Variants in CSMD1 observed in about 807,000 individuals in gnomAD.
CSMD1 encodes the protein CUB and Sushi multiple domains 1.
Under a neutral mutation model 417.5 loss-of-function variants are expected in CSMD1, and 213 were observed. That is an observed-to-expected ratio of 0.51 (90% CI 0.46 to 0.57). The LOEUF is 0.57. Among genes scored for constraint, CSMD1 ranks in the 20% least tolerant of loss-of-function variants. The pLI is 0.00. For missense variants in CSMD1, 6,923 were observed against 4,529.7 expected, an observed-to-expected ratio of 1.53 and a Z score of -15.17; for synonymous variants, 2,862 against 1,736.8, an observed-to-expected ratio of 1.65 and a Z score of -16.11.
chr8:4,424,238 A>G (rs1393158367), intron 2 of CSMD1, among the ~76,000 whole-genome samples: 1 of 152,090 alleles, frequency 6.6e-6, no homozygotes, highest in African/African-American at 2.4e-5. Flanking sequence ...GACCGCATTA[A>G]GAGAATAAAA....
chr8:3,796,093 CATAG>C (rs1800087867), intron 5 of CSMD1, among the ~76,000 whole-genome samples: 1 of 21,886 alleles, frequency 4.6e-5, no homozygotes, highest in Non-Finnish European at 9.5e-5. Context: ...ATATATCTAT[CATAG>C]ATATAGATAT....
intron 33 of CSMD1, among the ~76,000 whole-genome samples, chr8:3,195,448 G>A (rs2129052554): frequency 6.6e-6 from 1 of 152,318 alleles, no homozygotes; most frequent in East Asian, 1.9e-4. Context: ...TAATGGCATA[G>A]AATCAATGGC....
intron 1 of CSMD1, among the ~76,000 whole-genome samples, chr8:4,746,894 T>C (rs1187333512): frequency 6.6e-6 from 1 of 152,126 alleles, no homozygotes; most frequent in Non-Finnish European, 1.5e-5. Flanking sequence ...TTGACTTAGA[T>C]CATAAAAGAA....
chr8:4,887,618 T>A (rs1315311956), intron 1 of CSMD1, among the ~76,000 whole-genome samples: 2 of 152,056 alleles, frequency 1.3e-5, no homozygotes, highest in Non-Finnish European at 1.5e-5. Flanking sequence ...TTCTATTGGT[T>A]TTGCTTTATT....
At chr8:4,749,198 C>T (rs1811150323) in intron 1 of CSMD1, among the ~76,000 whole-genome samples, 1 of 152,236 alleles carries the variant, frequency 6.6e-6, no homozygotes, top group South Asian at 2.1e-4. Context: ...TTAGAATATT[C>T]TTAACAAATC....
chr8:4,755,450 TA>T (rs1811606769), intron 1 of CSMD1, among the ~76,000 whole-genome samples: 1 of 152,224 alleles, frequency 6.6e-6, no homozygotes, highest in African/African-American at 2.4e-5. Flanking sequence ...TTTTTTTATT[TA>T]AATAAATTTA....
intron 41 of CSMD1, among the ~76,000 whole-genome samples, chr8:3,142,206 C>G (rs1449037431): frequency 1.3e-5 from 2 of 152,194 alleles, no homozygotes; most frequent in Admixed American, 1.3e-4. Context: ...TACTCTTTCT[C>G]CATTGCAATT....
At position 3,929,223 on chromosome 8, in the gene CSMD1, A is replaced by G. The variant is rs758861555; in HGVS notation, c.818+68680T>C. Reference sequence around the variant, plus strand: ...CCTCTGCACATGGTTTCTCTTACATAAAGGAGGTGTTTGTCCATATACACA... The same window carrying G: ...CCTCTGCACATGGTTTCTCTTACATGAAGGAGGTGTTTGTCCATATACACA... On this transcript the variant is annotated intron_variant, in intron 5 of 69. Transcript: ENST00000635120. 1.5e-4 allele frequency among the ~76,000 whole-genome samples: 22 copies of G among 150,378 alleles called. 1 individual carries two copies. Among genetic ancestry groups the G allele is most frequent in the Non-Finnish European group, 2.8e-4 (19 of 67,526 alleles).
In CSMD1 at chr8:3,264,873, G is replaced by A. The variant is rs934152995; in HGVS notation, c.4153+19271C>T. ...GGTGGGCTGTGTGTGGGTGTGTGTG[G>A]CCTGTGTGTGTATACATTTTTCTTG... is the stretch of plus-strand genomic sequence containing the variant. On this transcript the variant is annotated intron_variant, in intron 26 of 69. Transcript: ENST00000635120. 2.1e-5 allele frequency among the ~76,000 whole-genome samples: 3 copies of A among 146,036 alleles called. No individual in the cohort carries two copies. The South Asian group carries it at 6.6e-4, about 32-fold the overall frequency.
At chr8:3,357,804 C>T (rs981557656) in intron 21 of CSMD1, among the ~76,000 whole-genome samples, 1 of 152,042 alleles carries the variant, frequency 6.6e-6, no homozygotes, top group Admixed American at 6.6e-5. Context: ...AATTTGCCTT[C>T]CATTCTCAAA....
intron 23 of CSMD1, among the ~76,000 whole-genome samples, chr8:3,325,741 T>G (rs1236695697): frequency 6.6e-6 from 1 of 152,128 alleles, no homozygotes; most frequent in East Asian, 1.9e-4. Flanking sequence ...AGGGAATTGC[T>G]TGAACCCGGG....
intron 26 of CSMD1, among the ~76,000 whole-genome samples, chr8:3,261,412 A>G (rs1253501587): frequency 2.0e-5 from 3 of 152,244 alleles, no homozygotes; most frequent in African/African-American, 7.2e-5. Context: ...ATGGTGCAGT[A>G]TATACGGCTT....
At chr8:4,095,368 T>C (rs1364006154) in intron 3 of CSMD1, among the ~76,000 whole-genome samples, 2 of 151,606 alleles carry the variant, frequency 1.3e-5, no homozygotes, top group African/African-American at 4.9e-5. Context: ...ATGTGGCTGA[T>C]GTAGAAACTA....
intron 3 of CSMD1, among the ~76,000 whole-genome samples, chr8:4,118,145 A>T (rs1802268290): frequency 6.6e-6 from 1 of 151,642 alleles, no homozygotes; most frequent in African/African-American, 2.4e-5. Context: ...CCCTTGGCAG[A>T]CTCTCAGTGG....
chr8:3,236,859 G>A (rs566709683), intron 26 of CSMD1, among the ~76,000 whole-genome samples: 10 of 152,104 alleles, frequency 6.6e-5, no homozygotes, highest in African/African-American at 2.4e-4. Context: ...AAAAGGCAGC[G>A]CTGTTCCTGA....
intron 8 of CSMD1, among the ~76,000 whole-genome samples, chr8:3,594,618 A>G (rs1023075231): frequency 1.3e-5 from 2 of 152,208 alleles, no homozygotes; most frequent in African/African-American, 4.8e-5. Flanking sequence ...CCCAGTAGAT[A>G]CAATGACTTA....
intron 7 of CSMD1, among the ~76,000 whole-genome samples, chr8:3,654,475 G>C (rs886967685): frequency 3.3e-5 from 5 of 152,166 alleles, no homozygotes; most frequent in African/African-American, 9.7e-5. Context: ...GTACACAGGA[G>C]CTTTTAAAAA....
At chr8:4,320,496 T>C (rs1382708258) in intron 3 of CSMD1, among the ~76,000 whole-genome samples, 1 of 152,134 alleles carries the variant, frequency 6.6e-6, no homozygotes, top group African/African-American at 2.4e-5. Context: ...TTCCTAATGC[T>C]ATTCCTCCCC....
intron 5 of CSMD1, among the ~76,000 whole-genome samples, chr8:3,958,948 G>T (rs1203003743): frequency 6.6e-6 from 1 of 152,126 alleles, no homozygotes; most frequent in East Asian, 1.9e-4. Context: ...TTTGAGCCCT[G>T]ACCTTGGCTT....
Sources: gnomAD v4.1 joint callset for allele counts (sites outside exome capture counted in the v4.1 genomes callset) on GRCh38, gnomAD v4.1.1 for gene constraint, MANE v1.5 for transcripts, NCBI Gene and HGNC (gene_info 2026-07-23, HGNC 2026-07-21) for gene names.